Variants in LOXL4 observed in about 807,000 individuals in gnomAD.
LOXL4 encodes lysyl oxidase like 4.
LOXL4 carries 72 observed loss-of-function variants against 89.1 expected under a neutral mutation model. The observed-to-expected ratio is 0.81, with a 90% CI of 0.67 to 0.98. The LOEUF (loss-of-function observed/expected upper bound fraction) is 0.98, where lower values mean the gene tolerates loss of function less well. LOXL4 is among the 50% of genes least tolerant of loss of function. The pLI, the probability that LOXL4 is intolerant of heterozygous loss-of-function variation, is 0.00. For synonymous variants in LOXL4, 355 were observed against 392.1 expected (o/e 0.91, Z 1.12); for missense variants, 984 against 1,017.5 (o/e 0.97, Z 0.45).
chr10:98,253,478 G>A (rs557824237), intron 11 of LOXL4, 75 bp downstream of exon 11: 6 of 1,597,398 alleles, frequency 3.8e-6, no homozygotes, highest in South Asian at 2.2e-5. Flanking sequence ...TGTGGCCAGG[G>A]AAGGGCCAAA....
intron 10 of LOXL4, among the ~76,000 whole-genome samples, chr10:98,255,002 C>A (rs563556766): frequency 6.6e-6 from 1 of 152,352 alleles, no homozygotes; most frequent in East Asian, 1.9e-4. Context: ...TTGGCACTGA[C>A]CTGGCTGGGA....
Position 98,253,751 on chromosome 10 carries a change from GC to G in LOXL4, c.1636del (p.Ala546ProfsTer121). ...GCTGAGCGGGCGGTCCTCCAAGTAG[GC>G]CGTCTCCTGCACTAGCTGGGCGTTC... is the stretch of plus-strand genomic sequence containing the variant. ...VMNAQLVQET[A>X]YLEDRPLSQL... is the part of the protein sequence containing the mutation. On this transcript the variant is annotated frameshift_variant, in exon 11 of 15. Transcript: ENST00000260702. LOFTEE classifies it high-confidence loss of function. The G allele has an allele frequency of 6.2e-7, 1 of 1,614,212 alleles. No individual in the cohort carries two copies. The highest frequency in any genetic ancestry group is 8.5e-7 in the Non-Finnish European group (1 of 1,180,034).
rs748412901 is a variant in LOXL4, at chr10:98,262,077, A to C, written c.414T>G (p.Arg138=). The change falls in exon 3 of 15, where the codon CGT becomes CGG. Residue 138 remains arginine (R), a synonymous_variant. Coordinates refer to ENST00000260702, the MANE Select transcript of LOXL4 (RefSeq NM_032211.7). ...TGGAGACAGTTTCAGAAAGGTAGCC[A>C]CGATGGCGCCGGGGGTGGCATATCA... The part of the protein sequence containing the change: ...VGVICHPRRH[R]GYLSETVSNA... 6.2e-7 allele frequency: 1 copy of C among 1,611,976 alleles called. No homozygotes were observed. The highest frequency in any genetic ancestry group is 1.3e-5 in the African/African-American group (1 of 74,840).
rs200311990 is a variant in LOXL4, at chr10:98,257,658, G to C, written c.1252C>G (p.Gln418Glu). 6.2e-7 allele frequency: 1 copy of C among 1,613,442 alleles called. No homozygotes were observed. Among genetic ancestry groups the C allele is most frequent in the East Asian group, 2.2e-5 (1 of 44,880 alleles). The change falls in exon 8 of 15, where the codon CAG becomes GAG. Residue 418 changes from glutamine to glutamate, a missense_variant. Coordinates refer to ENST00000260702, the MANE Select transcript of LOXL4 (RefSeq NM_032211.7). ...VRCNVPNMGF[Q>E]NQVRLAGGRI... ...CTCAGACCCAAACTCACCTGATTCT[G>C]AAAGCCCATGTTAGGGACATTGCAC...
intron 6 of LOXL4, 40 bp downstream of exon 6, chr10:98,258,969 C>T (rs2135837414): frequency 1.4e-6 from 2 of 1,475,742 alleles, no homozygotes; most frequent in East Asian, 2.5e-5. Flanking sequence ...CCGCCCGTGC[C>T]TCCAAGCTGT....
intron 10 of LOXL4, 60 bp downstream of exon 10, chr10:98,255,517 C>A: frequency 6.5e-7 from 1 of 1,533,596 alleles, no homozygotes; most frequent in South Asian, 1.2e-5. Context: ...ATGCAGGGCC[C>A]TCCCTGAAGG....
chr10:98,266,090 G>A (rs181166686), intron 1 of LOXL4, among the ~76,000 whole-genome samples: 8 of 152,140 alleles, frequency 5.3e-5, no homozygotes, highest in East Asian at 1.9e-4. Flanking sequence ...TCCCTCCTCC[G>A]TGCTCCCTGG....
At chr10:98,258,365 A>G (rs1318924474) in intron 6 of LOXL4, among the ~76,000 whole-genome samples, 2 of 150,918 alleles carry the variant, frequency 1.3e-5, no homozygotes, top group Non-Finnish European at 2.9e-5. Context: ...CATTTCTTCA[A>G]TGACCAATCA....
chr10:98,260,770 A>T (rs1358118402), intron 4 of LOXL4, 152 bp downstream of exon 4: 1 of 776,298 alleles, frequency 1.3e-6, no homozygotes, highest in Non-Finnish European at 2.1e-6. Context: ...CACATCACAC[A>T]CTCGCCTGTG....
Position 98,262,024 on chromosome 10 carries a change from A to G in LOXL4, c.456+11T>C. 6.3e-7 allele frequency: 1 copy of G among 1,597,846 alleles called. No homozygotes were observed. The highest frequency in any genetic ancestry group is 1.1e-5 in the South Asian group (1 of 89,504). ...CCTTGGCTCAGACCAGAGCCTGAAC[A>G]GCCTCCTCACCTGGGGCCCAAGGGC... On this transcript the variant is annotated intron_variant, in intron 3 of 14. Coordinates refer to ENST00000260702, the MANE Select transcript of LOXL4 (RefSeq NM_032211.7).
rs1372173511 is a variant in LOXL4, at chr10:98,260,974, A to G, written c.610T>C (p.Cys204Arg). ...GWTMNNSRVV[C>R]GMLGFPSEVP... The stretch of plus-strand genomic sequence containing the variant: ...TCGCTGGGGAAGCCCAGCATCCCGC[A>G]CACCACCCTGCTGTTGTTCATGGTC... Residue 204 changes from cysteine (C) to arginine (R), a missense_variant, in exon 4 of 15, where the codon TGC becomes CGC. Coordinates refer to ENST00000260702, the MANE Select transcript of LOXL4 (RefSeq NM_032211.7). 1 of 1,613,678 alleles carries G rather than the reference A, an allele frequency of 6.2e-7. No individual in the cohort carries two copies.
intron 14 of LOXL4, among the ~76,000 whole-genome samples, chr10:98,250,456 G>T (rs898791690): frequency 2.6e-5 from 4 of 152,148 alleles, no homozygotes; most frequent in Non-Finnish European, 2.9e-5. Context: ...CCATCCCACC[G>T]CACATATGCA....
In LOXL4 at chr10:98,251,571, A is replaced by G; in HGVS notation, c.2083T>C (p.Phe695Leu). The change falls in exon 13 of 15, where the codon TTC becomes CTC. Residue 695 changes from phenylalanine (F) to leucine (L), a missense_variant. Physicochemically the swap from Phe to Leu is conservative, Grantham distance 22. Coordinates refer to ENST00000260702, the MANE Select transcript of LOXL4 (RefSeq NM_032211.7). ...ITDVGPGNYI[F>L]QVIVNPHYEV... ...GAATCCCCCAGCCGCCTTACCTGGAAGATATAATTCCCGGGGCCCACATCT... is the reference window on the plus strand; with the variant it reads ...GAATCCCCCAGCCGCCTTACCTGGAGGATATAATTCCCGGGGCCCACATCT... The G allele has an allele frequency of 6.2e-7, 1 of 1,614,182 alleles. No homozygotes were observed. The highest frequency in any genetic ancestry group is 1.3e-5 in the African/African-American group (1 of 75,074).
At position 98,262,058 on chromosome 10, in the gene LOXL4, C is replaced by G; in HGVS notation, c.433G>C (p.Val145Leu). The change falls in exon 3 of 15, where the codon GTC becomes CTC. Residue 145 changes from valine (V) to leucine (L), a missense_variant. Physicochemically the swap from Val to Leu is conservative, Grantham distance 32. Coordinates refer to ENST00000260702, the MANE Select transcript of LOXL4 (RefSeq NM_032211.7). Reference protein sequence around the residue: ...RRHRGYLSETVSNALGPQGRR... With the variant: ...RRHRGYLSETLSNALGPQGRR... ...ACCTGGGGCCCAAGGGCATTGGAGA[C>G]AGTTTCAGAAAGGTAGCCACGATGG... The G allele has an allele frequency of 6.2e-7, 1 of 1,611,150 alleles. No individual in the cohort carries two copies. Among genetic ancestry groups the G allele is most frequent in the Non-Finnish European group, 8.5e-7 (1 of 1,178,894 alleles).
At position 98,248,997 on chromosome 10, in the gene LOXL4, G is replaced by A; in HGVS notation, c.2201-6C>T. The A allele has an allele frequency of 6.2e-7, 1 of 1,613,196 alleles. No individual in the cohort carries two copies. Among genetic ancestry groups the A allele is most frequent in the Non-Finnish European group, 8.5e-7 (1 of 1,179,504 alleles). Reference sequence around the variant, plus strand: ...ATTGGCTGGGTATGAATTCCCTGTGGGCCAAAGGAAAACAGGTAAGTAGCC... The same window carrying A: ...ATTGGCTGGGTATGAATTCCCTGTGAGCCAAAGGAAAACAGGTAAGTAGCC... On this transcript the variant is annotated splice_region_variant and splice_polypyrimidine_tract_variant and intron_variant, in intron 14 of 14. Transcript: ENST00000260702.
chr10:98,250,464 G>T (rs1335773417), intron 14 of LOXL4, among the ~76,000 whole-genome samples: 1 of 152,212 alleles, frequency 6.6e-6, no homozygotes, highest in Non-Finnish European at 1.5e-5. Flanking sequence ...CCGCACATAT[G>T]CAAGTATGAG....
chr10:98,263,129 G>A, intron 1 of LOXL4, 78 bp from the exon 2 acceptor site: 1 of 1,240,208 alleles, frequency 8.1e-7, no homozygotes. Context: ...GGCAGCTCCT[G>A]GCAAGACAAA....
chr10:98,252,570 A>G (rs1160749323), intron 11 of LOXL4, 102 bp from the exon 12 acceptor site: 4 of 776,730 alleles, frequency 5.1e-6, no homozygotes, highest in African/African-American at 1.7e-5. Context: ...ATGACCCGAG[A>G]GGAAAGTTAT....
Position 98,262,086 on chromosome 10 carries a change from C to T in LOXL4, c.405G>A (p.Arg135=), listed in dbSNP as rs1858558185. ...SEDVGVICHP[R]RHRGYLSETV... ...TTTCAGAAAGGTAGCCACGATGGCGCCGGGGGTGGCATATCACCCCTACGT... is the reference window on the plus strand; with the variant it reads ...TTTCAGAAAGGTAGCCACGATGGCGTCGGGGGTGGCATATCACCCCTACGT... Residue 135 remains arginine (R), a synonymous_variant, in exon 3 of 15, where the codon CGG becomes CGA. Coordinates refer to ENST00000260702, the MANE Select transcript of LOXL4 (RefSeq NM_032211.7). The T allele has an allele frequency of 1.9e-6, 3 of 1,612,412 alleles. No homozygotes were observed. The highest frequency in any genetic ancestry group is 2.2e-5 in the East Asian group (1 of 44,814).
Sources: allele counts gnomAD v4.1 joint callset (sites outside exome capture counted in the v4.1 genomes callset), GRCh38; gene constraint gnomAD v4.1.1; transcripts MANE v1.5; gene names NCBI Gene and HGNC (gene_info 2026-07-23, HGNC 2026-07-21).